The following TDRD3 variants were observed in gnomAD, a reference collection of about 807,000 sequenced individuals.
The protein encoded by TDRD3 is tudor domain-containing protein 3.
A neutral mutation model predicts 86.7 loss-of-function variants in TDRD3; 45 were observed. That is an observed-to-expected ratio of 0.52 (90% CI 0.41 to 0.67). The LOEUF (loss-of-function observed/expected upper bound fraction) is 0.67. Ranked by LOEUF, TDRD3 falls within the 30% of genes least tolerant of loss-of-function variation. TDRD3 has a pLI of 0.00. For synonymous variants in TDRD3, 298 were observed against 301.7 expected (o/e 0.99, Z 0.13); for missense variants, 814 against 889.0 (o/e 0.92, Z 1.07).
chr13:60,528,738 A>C lies in TDRD3; in HGVS notation c.1513A>C (p.Ser505Arg). ...TAAAAAAAGAGATAACTCTATGCAAAGCAGATCAGGAAAAGGTCCCTCCTT... is the reference window on the plus strand; with the variant it reads ...TAAAAAAAGAGATAACTCTATGCAACGCAGATCAGGAAAAGGTCCCTCCTT... The part of the protein sequence containing the change: ...AFKKRDNSMQ[S>R]RSGKGPSFAE... Residue 505 changes from serine to arginine, a missense_variant, in exon 11 of 14, where the codon AGC (serine) becomes CGC (arginine). Ser to Arg is a moderately radical substitution (Grantham distance 110, BLOSUM62 -1). Coordinates refer to ENST00000377881, the MANE Select transcript of TDRD3 (RefSeq NM_001146070.2). 1 of 1,613,162 alleles carries C rather than the reference A, an allele frequency of 6.2e-7. No homozygotes were observed. Among genetic ancestry groups the C allele is most frequent in the Non-Finnish European group, 8.5e-7 (1 of 1,179,750 alleles).
chr13:60,465,356 T>G (rs1310315669), intron 4 of TDRD3, among the ~76,000 whole-genome samples: 1 of 152,186 alleles, frequency 6.6e-6, no homozygotes, highest in African/African-American at 2.4e-5. Context: ...TTGGGAACGC[T>G]TCTTCACTAT....
intron 8 of TDRD3, among the ~76,000 whole-genome samples, chr13:60,499,012 A>C (rs1222868351): frequency 6.6e-6 from 1 of 152,208 alleles, no homozygotes; most frequent in Non-Finnish European, 1.5e-5. Context: ...CATACTTAGC[A>C]GCTGGCAGAA....
chr13:60,519,002 A>G (rs1354735914), intron 10 of TDRD3, among the ~76,000 whole-genome samples: 1 of 152,214 alleles, frequency 6.6e-6, no homozygotes, highest in Non-Finnish European at 1.5e-5. Context: ...CCTCTGTTGT[A>G]GGGTTTGCAT....
intron 8 of TDRD3, among the ~76,000 whole-genome samples, chr13:60,504,890 G>C (rs998125645): frequency 2.6e-5 from 4 of 152,186 alleles, no homozygotes; most frequent in Admixed American, 2.6e-4. Context: ...GTGCCATGAG[G>C]AATAGTGGAC....
intron 10 of TDRD3, among the ~76,000 whole-genome samples, chr13:60,514,189 CA>C: frequency 6.6e-6 from 1 of 152,260 alleles, no homozygotes; most frequent in South Asian, 2.1e-4. Flanking sequence ...AAGAGACTGG[CA>C]GCATTTTGCC....
Position 60,535,149 on chromosome 13 carries a change from G to T in TDRD3, c.2034G>T (p.Met678Ile). 6.2e-7 allele frequency: 1 copy of T among 1,613,928 alleles called. No homozygotes were observed. The highest frequency in any genetic ancestry group is 8.5e-7 in the Non-Finnish European group (1 of 1,179,898). ...TTGAAGCCCTCCATTCTTCGGGTAT[G>T]ACAGCAGTTGTTAAATTCATTGACT... Reference protein sequence around the residue: ...AEVEALHSSGMTAVVKFIDYG... With the variant: ...AEVEALHSSGITAVVKFIDYG... The change falls in exon 12 of 14, where the codon ATG (methionine) becomes ATT (isoleucine). Residue 678 changes from methionine to isoleucine, a missense_variant. Met to Ile is a conservative substitution (Grantham distance 10). Coordinates refer to ENST00000377881, the MANE Select transcript of TDRD3 (RefSeq NM_001146070.2).
In TDRD3 at chr13:60,439,719, A is replaced by G; in HGVS notation, c.73A>G (p.Thr25Ala). The change falls in exon 2 of 14, where the codon ACA becomes GCA. Residue 25 changes from threonine to alanine, a missense_variant. Transcript: ENST00000377881. ...YLSDEGIEAC[T>A]SSPDKVNVND... is the part of the protein sequence containing the mutation. Reference sequence around the variant, plus strand: ...TTCAGATGAAGGCATTGAAGCTTGCACAAGCTCTCCAGACAAAGTCAATGT... The same window carrying G: ...TTCAGATGAAGGCATTGAAGCTTGCGCAAGCTCTCCAGACAAAGTCAATGT... The G allele has an allele frequency of 6.5e-7, 1 of 1,545,894 alleles. No individual in the cohort carries two copies. Among genetic ancestry groups the G allele is most frequent in the Non-Finnish European group, 8.7e-7 (1 of 1,145,212 alleles).
At chr13:60,529,590 C>A (rs1957535059) in intron 11 of TDRD3, among the ~76,000 whole-genome samples, 1 of 151,980 alleles carries the variant, frequency 6.6e-6, no homozygotes, top group South Asian at 2.1e-4. Context: ...AGTTGAGAGG[C>A]ACAAAGTAAA....
chr13:60,500,388 T>C (rs1459463454), intron 8 of TDRD3, among the ~76,000 whole-genome samples: 2 of 152,200 alleles, frequency 1.3e-5, no homozygotes, highest in Non-Finnish European at 2.9e-5. Context: ...CCTGCCACCC[T>C]GCCTTGTCTC....
chr13:60,557,444 C>G (rs182579677), intron 12 of TDRD3, among the ~76,000 whole-genome samples: 24 of 152,228 alleles, frequency 1.6e-4, no homozygotes, highest in African/African-American at 5.5e-4. Context: ...AGCTTTAGTA[C>G]TCAGCCTGAT....
intron 10 of TDRD3, among the ~76,000 whole-genome samples, chr13:60,521,859 T>C (rs1957293701): frequency 6.6e-6 from 1 of 151,936 alleles, no homozygotes; most frequent in East Asian, 1.9e-4. Context: ...ATCGCACCAT[T>C]GCACTCCAGC....
intron 8 of TDRD3, among the ~76,000 whole-genome samples, chr13:60,496,343 A>C (rs2181297): frequency 0.16 from 14,275 of 91,172 alleles, 1,384 homozygotes; most frequent in African/African-American, 0.25. Context: ...ATATATATAT[A>C]TCCTCTAAAG....
intron 10 of TDRD3, among the ~76,000 whole-genome samples, chr13:60,522,929 G>A (rs1370688777): frequency 6.6e-6 from 1 of 152,094 alleles, no homozygotes; most frequent in Non-Finnish European, 1.5e-5. Flanking sequence ...AAAATCATGT[G>A]TTTTAGCTTC....
chr13:60,485,850 A>T lies in TDRD3; in HGVS notation c.619A>T (p.Thr207Ser). Residue 207 changes from threonine (T) to serine (S), a missense_variant, in exon 7 of 14, where the codon ACA becomes TCA. Coordinates refer to ENST00000377881, the MANE Select transcript of TDRD3 (RefSeq NM_001146070.2). ...TAGCAGAGAACTTGATCGAAGAAAA[A>T]CATTGCAAGTTACAATGCCTGTCAA... ...VDSRELDRRK[T>S]LQVTMPVKPT... 6.2e-7 allele frequency: 1 copy of T among 1,610,470 alleles called. No homozygotes were observed. The highest frequency in any genetic ancestry group is 8.5e-7 in the Non-Finnish European group (1 of 1,178,482).
intron 8 of TDRD3, among the ~76,000 whole-genome samples, chr13:60,499,186 G>C (rs2137590718): frequency 6.6e-6 from 1 of 152,344 alleles, no homozygotes; most frequent in South Asian, 2.1e-4. Flanking sequence ...GGACCTGAAA[G>C]ACACAGGGGT....
intron 1 of TDRD3, among the ~76,000 whole-genome samples, chr13:60,418,547 A>C (rs1954580300): frequency 6.6e-6 from 1 of 152,184 alleles, no homozygotes; most frequent in East Asian, 1.9e-4. Flanking sequence ...GAGACTCAAC[A>C]AATGTTTATT....
At chr13:60,533,414 G>T (rs952404970) in intron 11 of TDRD3, among the ~76,000 whole-genome samples, 7 of 152,292 alleles carry the variant, frequency 4.6e-5, no homozygotes, top group African/African-American at 1.7e-4. Flanking sequence ...GCAGAGGCGG[G>T]CAGATCACTT....
chr13:60,407,027 A>C (rs1281535195), intron 1 of TDRD3, among the ~76,000 whole-genome samples: 1 of 152,230 alleles, frequency 6.6e-6, no homozygotes, highest in African/African-American at 2.4e-5. Flanking sequence ...CTAATGTGAA[A>C]TAATAAATGT....
chr13:60,553,075 G>A (rs1307365879), intron 12 of TDRD3, among the ~76,000 whole-genome samples: 1 of 152,218 alleles, frequency 6.6e-6, no homozygotes, highest in South Asian at 2.1e-4. Context: ...AATTTCTGCA[G>A]CTGGCTTGAA....
Sources: allele counts gnomAD v4.1 joint callset (sites outside exome capture counted in the v4.1 genomes callset), GRCh38; gene constraint gnomAD v4.1.1; transcripts MANE v1.5; gene names NCBI Gene and HGNC (gene_info 2026-07-23, HGNC 2026-07-21).